Variants in PRIM2 observed in about 807,000 individuals in gnomAD.
PRIM2 encodes DNA primase subunit 2.
PRIM2 carries 39 observed loss-of-function variants against 67.3 expected under a neutral mutation model. That is an observed-to-expected ratio of 0.58 (90% confidence interval 0.45 to 0.76). The LOEUF is 0.76. Among genes scored for constraint, PRIM2 ranks in the 30% least tolerant of loss-of-function variants. The probability of loss-of-function intolerance (pLI) is 0.00; values close to 1 mark genes in which losing one functional copy is unlikely to be tolerated. For synonymous variants in PRIM2, 143 were observed against 198.7 expected, an observed-to-expected ratio of 0.72 and a Z score of 2.36; for missense variants, 398 against 598.7, an observed-to-expected ratio of 0.66 and a Z score of 3.50.
At chr6:57,409,524 A>G (rs565558371) in intron 7 of PRIM2, among the ~76,000 whole-genome samples, 1 of 152,286 alleles carries the variant, frequency 6.6e-6, no homozygotes, top group South Asian at 2.1e-4. Flanking sequence ...AAATATGTTT[A>G]AAGTATGTTT....
chr6:57,607,399 A>G (rs1353964191), intron 12 of PRIM2, among the ~76,000 whole-genome samples: 1 of 152,126 alleles, frequency 6.6e-6, no homozygotes, highest in African/African-American at 2.4e-5. Flanking sequence ...AAGTGTCATG[A>G]GAGGTACACA....
chr6:57,438,761 T>G (rs1490791145), intron 7 of PRIM2, among the ~76,000 whole-genome samples: 1 of 152,138 alleles, frequency 6.6e-6, no homozygotes, highest in East Asian at 1.9e-4. Flanking sequence ...CATGTAGTTT[T>G]CGGCATTTTT....
chr6:57,419,358 A>G (rs1253546179), intron 7 of PRIM2, among the ~76,000 whole-genome samples: 3 of 152,174 alleles, frequency 2.0e-5, no homozygotes, highest in African/African-American at 4.8e-5. Context: ...TTGGTGTCCA[A>G]TAGGGTTCAC....
intron 10 of PRIM2, among the ~76,000 whole-genome samples, chr6:57,589,629 GCAT>G (rs1776253082): frequency 6.6e-6 from 1 of 152,190 alleles, no homozygotes; most frequent in Non-Finnish European, 1.5e-5. Flanking sequence ...AGACCGCTGT[GCAT>G]CCAAAAGCTT....
intron 12 of PRIM2, among the ~76,000 whole-genome samples, chr6:57,607,910 T>C (rs1489385398): frequency 1.3e-5 from 2 of 152,164 alleles, no homozygotes; most frequent in African/African-American, 2.4e-5. Context: ...GCCATTCTCT[T>C]TTTTGGAGTC....
the PRIM2 span, among the ~76,000 whole-genome samples, chr6:57,288,787 C>T: frequency 1.3e-5 from 2 of 152,138 alleles, no homozygotes; most frequent in East Asian, 1.9e-4. Context: ...ACACCAAAAC[C>T]CCATCTGTAG....
the PRIM2 span, among the ~76,000 whole-genome samples, chr6:57,244,528 G>A: frequency 1.5e-4 from 23 of 152,254 alleles, no homozygotes; most frequent in African/African-American, 4.6e-4. Context: ...TGGGAGGCCA[G>A]GGCAGGTGGA....
At chr6:57,542,182 C>T (rs1218516419) in intron 10 of PRIM2, among the ~76,000 whole-genome samples, 1 of 151,948 alleles carries the variant, frequency 6.6e-6, no homozygotes, top group Non-Finnish European at 1.5e-5. Flanking sequence ...CGCCATGTTG[C>T]TCAGGCTAGT....
At chr6:57,383,237 G>T (rs1770021501) in intron 7 of PRIM2, 1 of 152,026 alleles carries the variant, frequency 6.6e-6, no homozygotes, top group African/African-American at 2.4e-5. Flanking sequence ...CTTGTCTACT[G>T]TTTGGCCATT....
At chr6:57,517,931 A>G (rs2127462994) in intron 8 of PRIM2, among the ~76,000 whole-genome samples, 1 of 152,312 alleles carries the variant, frequency 6.6e-6, no homozygotes, top group Admixed American at 6.5e-5. Flanking sequence ...TGATGCCACA[A>G]GGGGTCTATG....
chr6:57,302,268 T>C, the PRIM2 span, among the ~76,000 whole-genome samples: 1 of 152,246 alleles, frequency 6.6e-6, no homozygotes, highest in African/African-American at 2.4e-5. Context: ...TATAAAAGTT[T>C]GAATATGGAT....
chr6:57,403,244 G>A (rs960316699), intron 7 of PRIM2, among the ~76,000 whole-genome samples: 3 of 148,984 alleles, frequency 2.0e-5, no homozygotes, highest in Non-Finnish European at 3.0e-5. Flanking sequence ...TAGTTCAGGT[G>A]AAGAATTTTT....
chr6:57,298,294 G>A, the PRIM2 span, among the ~76,000 whole-genome samples: 1 of 152,142 alleles, frequency 6.6e-6, no homozygotes, highest in African/African-American at 2.4e-5. Context: ...CCGGGAGGTG[G>A]AGGTTGCAGT....
At chr6:57,592,148 A>G (rs1776291760) in intron 10 of PRIM2, among the ~76,000 whole-genome samples, 2 of 152,148 alleles carry the variant, frequency 1.3e-5, no homozygotes, top group Non-Finnish European at 2.9e-5. Context: ...TATGGGAATA[A>G]TAGACACTGA....
intron 12 of PRIM2, among the ~76,000 whole-genome samples, chr6:57,613,249 A>AC (rs1776697476): frequency 2.0e-5 from 3 of 152,356 alleles, no homozygotes; most frequent in African/African-American, 7.2e-5. Flanking sequence ...ATCCTATGTA[A>AC]TAAAAAATGG....
the PRIM2 span, among the ~76,000 whole-genome samples, chr6:57,258,208 A>G: frequency 6.6e-6 from 1 of 152,154 alleles, no homozygotes; most frequent in Non-Finnish European, 1.5e-5. Context: ...TGCTACCGTT[A>G]AGATTTTGGA....
intron 7 of PRIM2, among the ~76,000 whole-genome samples, chr6:57,393,705 C>A (rs546428780): frequency 2.0e-4 from 31 of 152,058 alleles, no homozygotes; most frequent in African/African-American, 6.8e-4. Flanking sequence ...ATTGCATTTG[C>A]TTTTCGGTTC....
Position 57,318,770 on chromosome 6 carries a change from G to T in PRIM2, c.154+171G>T, listed in dbSNP as rs573726174. On this transcript the variant is annotated intron_variant, in intron 2 of 13. Coordinates refer to ENST00000615550, the MANE Select transcript of PRIM2 (RefSeq NM_000947.5). ...TCCATTCAACAAATATTTGTTGAGG[G>T]TTTGGTACTCATTCATTTATTTATT... 95 of 182,210 alleles carry T rather than the reference G, an allele frequency of 5.2e-4. 3 individuals are homozygous for T. Among genetic ancestry groups the T allele is most frequent in the Admixed American group, 4.1e-3 (62 of 15,300 alleles). 11.3% of individuals were successfully genotyped at this position (182,210 alleles called of 1,614,324 possible).
At chr6:57,256,472 T>A in the PRIM2 span, among the ~76,000 whole-genome samples, 2 of 152,232 alleles carry the variant, frequency 1.3e-5, no homozygotes. Context: ...TAAAATAACG[T>A]AAGTCACATT....
Sources: allele counts gnomAD v4.1 joint callset (sites outside exome capture counted in the v4.1 genomes callset), GRCh38; gene constraint gnomAD v4.1.1; transcripts MANE v1.5; gene names NCBI Gene and HGNC (gene_info 2026-07-23, HGNC 2026-07-21).